The following ARHGEF10L variants were observed in gnomAD, a reference collection of about 807,000 sequenced individuals.
ARHGEF10L encodes the protein Rho guanine nucleotide exchange factor 10 like.
In ARHGEF10L, 69 loss-of-function variants were observed where a neutral mutation model predicts 141.2. That is an observed-to-expected ratio of 0.49 (90% CI 0.40 to 0.60). ARHGEF10L has a LOEUF of 0.60. ARHGEF10L is among the 20% of genes least tolerant of loss of function. ARHGEF10L has a pLI of 0.00. For missense variants in ARHGEF10L, 1,482 were observed against 1,734.3 expected (o/e 0.85, Z 2.58); for synonymous variants, 711 against 718.5 (o/e 0.99, Z 0.17).
At chr1:17,578,880 A>G (rs991521991) in intron 1 of ARHGEF10L, among the ~76,000 whole-genome samples, 2 of 152,190 alleles carry the variant, frequency 1.3e-5, no homozygotes, top group Non-Finnish European at 2.9e-5. Context: ...CTCCTTCTGT[A>G]TGAAACAAGG....
intron 28 of ARHGEF10L, among the ~76,000 whole-genome samples, chr1:17,695,643 G>A (rs1435006118): frequency 6.6e-6 from 1 of 152,190 alleles, no homozygotes; most frequent in East Asian, 1.9e-4. Flanking sequence ...GGCCAGGCCC[G>A]GCCTGCTCGT....
intron 26 of ARHGEF10L, among the ~76,000 whole-genome samples, chr1:17,681,036 G>A (rs2102415585): frequency 6.6e-6 from 1 of 152,260 alleles, no homozygotes; most frequent in Admixed American, 6.5e-5. Flanking sequence ...GCCTCCCAAA[G>A]TGCTGGGATT....
chr1:17,614,375 G>A (rs1420726127), intron 8 of ARHGEF10L, among the ~76,000 whole-genome samples: 1 of 152,200 alleles, frequency 6.6e-6, no homozygotes, highest in Non-Finnish European at 1.5e-5. Flanking sequence ...CCCCCGCTTC[G>A]GCCACACACT....
rs929494840 is a variant in ARHGEF10L at position 17,687,749 on chromosome 1, T to C, written c.3184+2T>C. ...CCAGGACCACCTTCCTCCTGCCAGGTGAGGCTGCCTCGGGCACGGGGGAGC... is the reference window on the plus strand; with the variant it reads ...CCAGGACCACCTTCCTCCTGCCAGGCGAGGCTGCCTCGGGCACGGGGGAGC... On this transcript the variant is annotated splice_donor_variant, in intron 27 of 28. Coordinates refer to ENST00000361221, the MANE Select transcript of ARHGEF10L (RefSeq NM_018125.4). LOFTEE classifies it high-confidence loss of function. The C allele has an allele frequency of 1.3e-6, 2 of 1,572,092 alleles. No homozygotes were observed. The highest frequency in any genetic ancestry group is 1.7e-6 in the Non-Finnish European group (2 of 1,157,334).
At chr1:17,594,132 G>A (rs1182526132) in intron 4 of ARHGEF10L, among the ~76,000 whole-genome samples, 6 of 151,928 alleles carry the variant, frequency 3.9e-5, no homozygotes, top group Admixed American at 3.9e-4. Flanking sequence ...TGGCTCTAGG[G>A]CCAGATCATA....
chr1:17,648,983 G>C (rs919311758), intron 22 of ARHGEF10L, among the ~76,000 whole-genome samples: 1 of 152,234 alleles, frequency 6.6e-6, no homozygotes, highest in Non-Finnish European at 1.5e-5. Flanking sequence ...CGAAGCGGCT[G>C]TGCCAGCCAC....
At chr1:17,641,165 TC>T (rs959050701) in intron 21 of ARHGEF10L, among the ~76,000 whole-genome samples, 14 of 152,246 alleles carry the variant, frequency 9.2e-5, no homozygotes, top group African/African-American at 3.4e-4. Flanking sequence ...ACTTTACTTG[TC>T]CATTTTTTGA....
intron 21 of ARHGEF10L, among the ~76,000 whole-genome samples, chr1:17,641,984 A>G (rs1283514897): frequency 6.6e-6 from 1 of 151,524 alleles, no homozygotes; most frequent in African/African-American, 2.4e-5. Flanking sequence ...CCGTCTTAAA[A>G]AAAAAGAAAA....
At chr1:17,613,016 C>T (rs2059626996) in intron 7 of ARHGEF10L, 42 bp from the exon 8 acceptor site, 2 of 1,396,796 alleles carry the variant, frequency 1.4e-6, no homozygotes. Context: ...CCGCCTGCTC[C>T]TCTCACCTGC....
rs956824234 is a variant in ARHGEF10L, at chr1:17,625,112, A to T, written c.1317+609A>T. On this transcript the variant is annotated intron_variant, in intron 13 of 28. Transcript: ENST00000361221. The surrounding 1 kb of genome is among the most constrained non-coding windows in gnomAD (Gnocchi z 4.5). ...AGCACAGGTTAGATGCCACGGCCTC[A>T]GTGGAGGAACCCACTGTCCCCATCA... Among the ~76,000 whole-genome samples, 1 of 152,206 alleles carries T rather than the reference A, an allele frequency of 6.6e-6. No homozygotes were observed. Among genetic ancestry groups the T allele is most frequent in the Non-Finnish European group, 1.5e-5 (1 of 68,034 alleles).
At chr1:17,631,906 T>G (rs1327224326) in intron 15 of ARHGEF10L, among the ~76,000 whole-genome samples, 6 of 152,166 alleles carry the variant, frequency 3.9e-5, no homozygotes, top group African/African-American at 1.4e-4. Context: ...AACTAAGGCT[T>G]GGACATGTGA....
the ARHGEF10L span, among the ~76,000 whole-genome samples, chr1:17,525,148 C>T: frequency 1.3e-5 from 2 of 152,178 alleles, no homozygotes; most frequent in African/African-American, 4.8e-5. Context: ...CCCAGCTCAG[C>T]TACTGTAGAG....
rs1030554849 is a variant in ARHGEF10L at position 17,687,578 on chromosome 1, C to T, written c.3015C>T (p.Ser1005=). Reference sequence around the variant, plus strand: ...CTCCTCCCTTTGTGCCACAGCAAAGCTTCGAGGCGCACCAGGACGAGGCAG... The same window carrying T: ...CTCCTCCCTTTGTGCCACAGCAAAGTTTCGAGGCGCACCAGGACGAGGCAG... ...LEATTLQPQQ[S]FEAHQDEAVS... The change falls in exon 27 of 29, where the codon AGC becomes AGT. Residue 1005 remains serine (S), a synonymous_variant. Transcript: ENST00000361221. 1 of 1,612,988 alleles carries T rather than the reference C, an allele frequency of 6.2e-7. No individual in the cohort carries two copies. The highest frequency in any genetic ancestry group is 8.5e-7 in the Non-Finnish European group (1 of 1,179,926).
At chr1:17,595,006 T>A (rs1353885210) in intron 4 of ARHGEF10L, among the ~76,000 whole-genome samples, 2 of 152,080 alleles carry the variant, frequency 1.3e-5, no homozygotes, top group African/African-American at 4.8e-5. Context: ...CTTCAGTCCA[T>A]CCCTCCTCCC....
At chr1:17,571,440 CG>C (rs1459494145) in intron 1 of ARHGEF10L, among the ~76,000 whole-genome samples, 1 of 152,026 alleles carries the variant, frequency 6.6e-6, no homozygotes, top group Non-Finnish European at 1.5e-5. Flanking sequence ...GGGCACTCCT[CG>C]GGGAAGTCTT....
intron 4 of ARHGEF10L, 55 bp downstream of exon 4, chr1:17,588,534 A>G: frequency 6.2e-7 from 1 of 1,609,358 alleles, no homozygotes; most frequent in Non-Finnish European, 8.5e-7. Context: ...GACACCGGGC[A>G]GTGGGTGGGG....
Position 17,637,968 on chromosome 1 carries a change from A to T in ARHGEF10L, c.2008A>T (p.Thr670Ser). The T allele has an allele frequency of 6.3e-7, 1 of 1,599,164 alleles. No individual in the cohort carries two copies. The highest frequency in any genetic ancestry group is 1.1e-5 in the South Asian group (1 of 87,988). ...GGACCTGGCCGTGGTGGAGCAGATC[A>T]CGCTTCTCATCAGCACGCTGCACGG... is the stretch of plus-strand genomic sequence containing the variant. ...QKDLAVVEQI[T>S]LLISTLHGTY... Residue 670 changes from threonine to serine, a missense_variant, in exon 19 of 29, where the codon ACG becomes TCG. Thr to Ser is a moderately conservative substitution (Grantham distance 58). Around this residue, in one of 3 missense-constraint regions of ARHGEF10L, gnomAD observed 858 missense variants for 966.3 expected, o/e 0.89. Transcript: ENST00000361221.
intron 2 of ARHGEF10L, among the ~76,000 whole-genome samples, 174 bp from the exon 3 acceptor site, chr1:17,587,286 C>A (rs1355553465): frequency 6.6e-6 from 1 of 152,182 alleles, no homozygotes; most frequent in Non-Finnish European, 1.5e-5. Context: ...CAACCCCCTC[C>A]CCCCGGCCTT....
rs146414815 is a variant in ARHGEF10L, at chr1:17,661,231, C to T, written c.2861-3216C>T. Among the ~76,000 whole-genome samples the T allele has an allele frequency of 4.3e-4, 65 of 152,268 alleles. No homozygotes were observed. In the East Asian group the frequency reaches 0.012, roughly 28 times the overall value. On this transcript the variant is annotated intron_variant, in intron 25 of 28. Transcript: ENST00000361221. ...TAGCTGGGATTACAGGCGCACACCA[C>T]CACACCCAGCTAATTTTTGTATTTT...
Sources: gnomAD v4.1 joint callset for allele counts (sites outside exome capture counted in the v4.1 genomes callset) on GRCh38, gnomAD v4.1.1 for gene constraint, gnomAD v4.1.1 regional missense constraint, Gnocchi (gnomAD v3.1) non-coding constraint, MANE v1.5 for transcripts, NCBI Gene and HGNC (gene_info 2026-07-23, HGNC 2026-07-21) for gene names.